REST: variants seen among roughly 807,000 people sequenced by gnomAD.
REST encodes RE1 silencing transcription factor, also known as RE1-silencing transcription factor.
In REST, 1 loss-of-function variant was observed where a neutral mutation model predicts 30.4. The observed-to-expected ratio is 0.03, with a 90% CI of 0.01 to 0.16. REST has a LOEUF of 0.16. Ranked by LOEUF, REST falls within the 10% of genes least tolerant of loss-of-function variation. The pLI is 1.00. For missense variants in REST, 1,259 were observed against 1,329.5 expected (o/e 0.95, Z 0.82); for synonymous variants, 504 against 451.1 (o/e 1.12, Z -1.49).
rs528213458 is a variant in REST at position 56,918,051 on chromosome 4, CA to C, written c.899-1719del. ...TGGGCAACAGAGTGAGACTCCGTCT[CA>C]AAAAAAAAAAAAAAAAGGCTTGTTT... On this transcript the variant is annotated intron_variant, in intron 2 of 3. Coordinates refer to ENST00000309042, the MANE Select transcript of REST (RefSeq NM_005612.5). Among the ~76,000 whole-genome samples the C allele has an allele frequency of 3.2e-3, 312 of 98,142 alleles. 1 individual carries two copies. The highest frequency in any genetic ancestry group is 7.0e-3 in the African/African-American group (172 of 24,496). The allele number at this position is 98,142 out of a possible 152,430, so 64.4% of individuals were successfully genotyped here. A position where few individuals can be genotyped will look rare whatever the true frequency, so the allele number is the denominator to read the frequency against.
chr4:56,931,959 G>A lies in REST; in HGVS notation c.3101G>A (p.Gly1034Glu). 1.2e-6 allele frequency: 2 copies of A among 1,614,200 alleles called. No individual in the cohort carries two copies. Among genetic ancestry groups the A allele is most frequent in the Non-Finnish European group, 1.7e-6 (2 of 1,180,040 alleles). ...SEGSDDSGLHGARPVPQESSR... is the reference protein window; with the variant it reads ...SEGSDDSGLHEARPVPQESSR... ...GGTAGTGATGATTCTGGATTGCATG[G>A]GGCTCGGCCAGTTCCACAAGAATCT... Residue 1034 changes from glycine to glutamate, a missense_variant, in exon 4 of 4, where the codon GGG becomes GAG. Around this residue, in one of 5 missense-constraint regions of REST, gnomAD observed 856 missense variants for 772.8 expected, o/e 1.11. Coordinates refer to ENST00000309042, the MANE Select transcript of REST (RefSeq NM_005612.5).
At chr4:56,926,105 G>A (rs780038320) in intron 3 of REST, among the ~76,000 whole-genome samples, 3 of 152,148 alleles carry the variant, frequency 2.0e-5, no homozygotes, top group Non-Finnish European at 2.9e-5. Context: ...TGTCGTCCAG[G>A]CTGGAGTGCA....
intron 3 of REST, among the ~76,000 whole-genome samples, chr4:56,928,540 C>T (rs530107834): frequency 4.6e-5 from 7 of 151,848 alleles, no homozygotes; most frequent in African/African-American, 1.7e-4. Context: ...CTTTGCCTCC[C>T]AAGTAGCTGG....
chr4:56,911,288 G>T lies in REST; in HGVS notation c.650G>T (p.Arg217Leu). The T allele has an allele frequency of 6.2e-7, 1 of 1,614,122 alleles. No homozygotes were observed. The highest frequency in any genetic ancestry group is 8.5e-7 in the Non-Finnish European group (1 of 1,180,032). Reference protein sequence around the residue: ...EEGDFSKGPIRCDRCGYNTNR... With the variant: ...EEGDFSKGPILCDRCGYNTNR... Reference sequence around the variant, plus strand: ...GGAGATTTCTCCAAGGGCCCCATTCGCTGTGACCGCTGCGGCTACAATACT... The same window carrying T: ...GGAGATTTCTCCAAGGGCCCCATTCTCTGTGACCGCTGCGGCTACAATACT... The change falls in exon 2 of 4, where the codon CGC (arginine) becomes CTC (leucine). Residue 217 changes from arginine (R) to leucine (L), a missense_variant. By Grantham distance (102) the Arg-to-Leu change is moderately radical. Transcript: ENST00000309042.
intron 2 of REST, among the ~76,000 whole-genome samples, chr4:56,919,377 A>C (rs937093990): frequency 4.8e-5 from 7 of 146,578 alleles, no homozygotes; most frequent in African/African-American, 1.5e-4. Context: ...TTTACAAGTT[A>C]AAAAAAAAAC....
intron 2 of REST, among the ~76,000 whole-genome samples, chr4:56,915,306 C>T (rs375303620): frequency 2.7e-4 from 34 of 127,250 alleles, no homozygotes; most frequent in African/African-American, 9.0e-4. Flanking sequence ...AGTGCAATGG[C>T]GTGATCTCTG....
At position 56,930,832 on chromosome 4, in the gene REST, G is replaced by A. The variant is rs776187118; in HGVS notation, c.1974G>A (p.Gln658=). Residue 658 remains glutamine (Q), a synonymous_variant, in exon 4 of 4, where the codon CAG becomes CAA. Coordinates refer to ENST00000309042, the MANE Select transcript of REST (RefSeq NM_005612.5). Reference sequence around the variant, plus strand: ...AGCCTGTTCAGATGGAGGTGGTTCAGGAGGGGCCTGCTCAGAAGGAGCTGC... The same window carrying A: ...AGCCTGTTCAGATGGAGGTGGTTCAAGAGGGGCCTGCTCAGAAGGAGCTGC... ...PDEPVQMEVV[Q]EGPAQKELLP... is the part of the protein sequence containing the mutation. 1.4e-5 allele frequency: 23 copies of A among 1,611,950 alleles called. No homozygotes were observed. Among genetic ancestry groups the A allele is most frequent in the Admixed American group, 8.4e-5 (5 of 59,786 alleles).
chr4:56,923,507 G>T (rs1444738931), intron 3 of REST, among the ~76,000 whole-genome samples: 3 of 151,992 alleles, frequency 2.0e-5, no homozygotes, highest in African/African-American at 4.8e-5. Context: ...ACAATGGTGC[G>T]ATCTCGGCTC....
intron 1 of REST, chr4:56,909,107 G>C (rs1719771385): frequency 6.6e-6 from 1 of 152,322 alleles, no homozygotes; most frequent in Admixed American, 6.5e-5. Flanking sequence ...GACTCGGGGA[G>C]GACTGGTTCC....
Position 56,908,125 on chromosome 4 carries a change from T to A in REST, c.-98T>A. The A allele has an allele frequency of 3.8e-6, 1 of 266,508 alleles. No individual in the cohort carries two copies. Among genetic ancestry groups the A allele is most frequent in the Non-Finnish European group, 7.1e-6 (1 of 141,354 alleles). The allele number at this position is 266,508 out of a possible 1,614,324, so 16.5% of individuals were successfully genotyped here. A position where few individuals can be genotyped will look rare whatever the true frequency, so the allele number is the denominator to read the frequency against. ...CCCAACTTTACCACCCTCCCCCACC[T>A]CTCCCCCGAAACTCCAGCAACAAAG... is the stretch of plus-strand genomic sequence containing the variant. On this transcript the variant is annotated 5_prime_UTR_variant, in exon 1 of 4. Transcript: ENST00000309042.
intron 2 of REST, among the ~76,000 whole-genome samples, chr4:56,919,555 C>T (rs569117119): frequency 6.6e-6 from 1 of 152,070 alleles, no homozygotes; most frequent in African/African-American, 2.4e-5. Context: ...TGTGAGAATT[C>T]GGAAAGTCAA....
chr4:56,921,827 C>T (rs1252314619), intron 3 of REST, among the ~76,000 whole-genome samples: 2 of 152,178 alleles, frequency 1.3e-5, no homozygotes, highest in Admixed American at 6.5e-5. Context: ...TTATTGTATA[C>T]ATTGGCTTTA....
Position 56,934,098 on chromosome 4 carries a change from C to T in REST, c.*1946C>T, listed in dbSNP as rs2109583863. On this transcript the variant is annotated 3_prime_UTR_variant, in exon 4 of 4. Coordinates refer to ENST00000309042, the MANE Select transcript of REST (RefSeq NM_005612.5). ...GTGATAATGGTATGTGTTTTGTGTG[C>T]ATGAATGGACATTGTAAATGTTGAA... The T allele has an allele frequency of 6.6e-6, 1 of 152,278 alleles. No individual in the cohort carries two copies. Among genetic ancestry groups the T allele is most frequent in the South Asian group, 2.1e-4 (1 of 4,826 alleles). 9.4% of individuals were successfully genotyped at this position (152,278 alleles called of 1,614,324 possible).
In REST at chr4:56,929,909, G is replaced by T; in HGVS notation, c.1051G>T (p.Ala351Ser). Residue 351 changes from alanine (A) to serine (S), a missense_variant, in exon 4 of 4, where the codon GCA (alanine) becomes TCA (serine). Coordinates refer to ENST00000309042, the MANE Select transcript of REST (RefSeq NM_005612.5). ...TAATCAACATGAAGTAACCCGCCAT[G>T]CAAGACAGGTTCACAATGGGCCTAA... Reference protein sequence around the residue: ...ASNQHEVTRHARQVHNGPKPL... With the variant: ...ASNQHEVTRHSRQVHNGPKPL... 1.2e-6 allele frequency: 2 copies of T among 1,614,156 alleles called. No individual in the cohort carries two copies. The highest frequency in any genetic ancestry group is 1.7e-6 in the Non-Finnish European group (2 of 1,180,032).
intron 2 of REST, among the ~76,000 whole-genome samples, chr4:56,915,457 C>G (rs1437773884): frequency 6.6e-6 from 1 of 150,918 alleles, no homozygotes; most frequent in South Asian, 2.1e-4. Context: ...ACCATGTTGG[C>G]CAGGCTGGTC....
At chr4:56,915,240 ATTTTTTTT>A (rs1193678055) in intron 2 of REST, among the ~76,000 whole-genome samples, 1 of 55,516 alleles carries the variant, frequency 1.8e-5, no homozygotes, top group Non-Finnish European at 3.1e-5. Context: ...GTGTGTGTGT[ATTTTTTTT>A]TTTTTTTTTT....
chr4:56,931,055 C>G lies in REST; in HGVS notation c.2197C>G (p.Leu733Val). The G allele has an allele frequency of 7.2e-7, 1 of 1,386,160 alleles. No homozygotes were observed. Among genetic ancestry groups the G allele is most frequent in the Non-Finnish European group, 1.0e-6 (1 of 1,002,258 alleles). The allele number at this position is 1,386,160 out of a possible 1,614,324, so 85.9% of individuals were successfully genotyped here. A position where few individuals can be genotyped will look rare whatever the true frequency, so the allele number is the denominator to read the frequency against. Reference protein sequence around the residue: ...VVQKEPVQMELSPPMEVVQKE... With the variant: ...VVQKEPVQMEVSPPMEVVQKE... ...CCAGAAGGAGCCTGTTCAGATGGAG[C>G]TGTCTCCTCCCATGGAGGTGGTCCA... Residue 733 changes from leucine to valine, a missense_variant, in exon 4 of 4, where the codon CTG (leucine) becomes GTG (valine). By Grantham distance (32) the Leu-to-Val change is conservative (BLOSUM62 1). Around this residue, in one of 5 missense-constraint regions of REST, gnomAD observed 856 missense variants for 772.8 expected, o/e 1.11. Coordinates refer to ENST00000309042, the MANE Select transcript of REST (RefSeq NM_005612.5).
At position 56,922,380 on chromosome 4, in the gene REST, C is replaced by T. The variant is rs914987937; in HGVS notation, c.982+2510C>T. ...CCAGGCTGGAATAAAATGGTGTGAT[C>T]GCAGCTCACTGCAACCTCCGTCTCC... On this transcript the variant is annotated intron_variant, in intron 3 of 3. Coordinates refer to ENST00000309042, the MANE Select transcript of REST (RefSeq NM_005612.5). The T allele has an allele frequency of 3.2e-4, 48 of 148,120 alleles. 1 individual carries two copies. The highest frequency in any genetic ancestry group is 1.4e-4 in the Admixed American group (2 of 14,572). The allele number at this position is 148,120 out of a possible 1,614,324, so 9.2% of individuals were successfully genotyped here.
In REST at chr4:56,930,792, G is replaced by A. The variant is rs761661933; in HGVS notation, c.1934G>A (p.Arg645Gln). The A allele has an allele frequency of 1.0e-5, 16 of 1,605,340 alleles. No homozygotes were observed. The highest frequency in any genetic ancestry group is 8.1e-5 in the African/African-American group (6 of 74,358). ...EHAQMEGAQI[R>Q]PAPDEPVQME... ...GCTCAGATGGAGGGTGCCCAGATAC[G>A]GCCTGCTCCTGACGAGCCTGTTCAG... The change falls in exon 4 of 4, where the codon CGG becomes CAG. Residue 645 changes from arginine to glutamine, a missense_variant. Arg to Gln is a conservative substitution (Grantham distance 43). Coordinates refer to ENST00000309042, the MANE Select transcript of REST (RefSeq NM_005612.5).
Sources: gnomAD v4.1 joint callset for allele counts (sites outside exome capture counted in the v4.1 genomes callset) on GRCh38, gnomAD v4.1.1 for gene constraint, gnomAD v4.1.1 regional missense constraint, MANE v1.5 for transcripts, NCBI Gene and HGNC (gene_info 2026-07-23, HGNC 2026-07-21) for gene names.